RFESD: variants seen among roughly 807,000 people sequenced by gnomAD.
RFESD encodes Rieske domain-containing protein.
Under a neutral mutation model 24.4 loss-of-function variants are expected in RFESD, and 16 were observed. The observed-to-expected ratio is 0.66, with a 90% CI of 0.44 to 1.00. RFESD has a LOEUF of 1.00. RFESD is among the 50% of genes least tolerant of loss of function. The pLI is 0.00. For synonymous variants in RFESD, 59 were observed against 81.8 expected, an observed-to-expected ratio of 0.72 and a Z score of 1.50; for missense variants, 208 against 247.0, an observed-to-expected ratio of 0.84 and a Z score of 1.06.
Position 95,657,694 on chromosome 5 carries a change from GT to G in RFESD, c.*1388del, listed in dbSNP as rs1356853648. The G allele has an allele frequency of 7.9e-5, 12 of 152,242 alleles. No individual in the cohort carries two copies. The highest frequency in any genetic ancestry group is 2.6e-4 in the African/African-American group (11 of 41,534). The allele number at this position is 152,242 out of a possible 1,614,324, so 9.4% of individuals were successfully genotyped here. On this transcript the variant is annotated 3_prime_UTR_variant, in exon 6 of 6. Transcript: ENST00000380005. ...TTATTACACTTCCTTTTCTGTTGGA[GT>G]TTGGATAGCATGAGTAGCACTTGGT...
rs542765986 is a variant in RFESD at position 95,657,851 on chromosome 5, T to C, written c.*1542T>C. 2 of 152,318 alleles carry C rather than the reference T, an allele frequency of 1.3e-5. No individual in the cohort carries two copies. Among genetic ancestry groups the C allele is most frequent in the African/African-American group, 4.8e-5 (2 of 41,580 alleles). 9.4% of individuals were successfully genotyped at this position (152,318 alleles called of 1,614,324 possible). On this transcript the variant is annotated 3_prime_UTR_variant, in exon 6 of 6. Transcript: ENST00000380005. ...GTACATCCCAGTCTATTCTATCATGTGATAATCCTTCAATGCCCAGTCAGG... is the reference window on the plus strand; with the variant it reads ...GTACATCCCAGTCTATTCTATCATGCGATAATCCTTCAATGCCCAGTCAGG...
intron 1 of RFESD, among the ~76,000 whole-genome samples, chr5:95,650,185 T>G (rs556285580): frequency 1.7e-4 from 26 of 152,332 alleles, no homozygotes; most frequent in African/African-American, 6.0e-4. Context: ...TGTGAGATAA[T>G]TTTTAAAAAC....
chr5:95,647,952 C>G (rs1225099374), intron 1 of RFESD: 1 of 152,142 alleles, frequency 6.6e-6, no homozygotes, highest in African/African-American at 2.4e-5. Context: ...CTCTCTAAGG[C>G]ATTTCTCTTC....
Position 95,656,299 on chromosome 5 carries a change from G to A in RFESD, c.623G>A (p.Ser208Asn). The part of the protein sequence containing the change: ...YATGDFKVIK[S>N]SS ...ACTGGAGACTTCAAAGTAATTAAGA[G>A]TTCTTCCTGATAAAAAATATATAGA... Residue 208 changes from serine (S) to asparagine (N), a missense_variant, in exon 6 of 6, where the codon AGT (serine) becomes AAT (asparagine). Ser to Asn is a conservative substitution (Grantham distance 46). Transcript: ENST00000380005. The A allele has an allele frequency of 6.2e-7, 1 of 1,602,132 alleles. No individual in the cohort carries two copies. The highest frequency in any genetic ancestry group is 8.5e-7 in the Non-Finnish European group (1 of 1,173,976).
intron 2 of RFESD, 43 bp from the exon 3 acceptor site, chr5:95,653,074 G>T: frequency 6.5e-7 from 1 of 1,549,212 alleles, no homozygotes; most frequent in Non-Finnish European, 8.7e-7. Context: ...CATTCACCAA[G>T]ACTTTTCTTT....
At position 95,651,284 on chromosome 5, in the gene RFESD, T is replaced by C. The variant is rs571134352; in HGVS notation, c.-135-853T>C. On this transcript the variant is annotated intron_variant, in intron 1 of 5. Coordinates refer to ENST00000380005, the MANE Select transcript of RFESD (RefSeq NM_001131066.2). Reference sequence around the variant, plus strand: ...TGAAGAAGGTGTGGATGATGAAATATCTTCCTAAAGTTAGAATATTTATTT... The same window carrying C: ...TGAAGAAGGTGTGGATGATGAAATACCTTCCTAAAGTTAGAATATTTATTT... Among the ~76,000 whole-genome samples, 253 of 152,332 alleles carry C rather than the reference T, an allele frequency of 1.7e-3. 1 individual carries two copies. The highest frequency in any genetic ancestry group is 2.8e-3 in the Non-Finnish European group (188 of 68,016).
At chr5:95,654,445 A>G (rs1378846759) in intron 5 of RFESD, 78 bp downstream of exon 5, 2 of 932,148 alleles carry the variant, frequency 2.1e-6, no homozygotes, top group African/African-American at 1.7e-5. Context: ...GGTTTGAACT[A>G]TATTTTAATG....
chr5:95,655,773 A>T (rs143221702), intron 5 of RFESD, among the ~76,000 whole-genome samples: 106 of 152,326 alleles, frequency 7.0e-4, no homozygotes, highest in African/African-American at 2.5e-3. Context: ...ATTAACATCT[A>T]ATAGATAACA....
At position 95,654,185 on chromosome 5, in the gene RFESD, G is replaced by C. The variant is rs1339127873; in HGVS notation, c.283G>C (p.Val95Leu). The C allele has an allele frequency of 6.2e-7, 1 of 1,612,828 alleles. No homozygotes were observed. Among genetic ancestry groups the C allele is most frequent in the Non-Finnish European group, 8.5e-7 (1 of 1,179,580 alleles). The change falls in exon 4 of 6, where the codon GTC (valine) becomes CTC (leucine). Residue 95 changes from valine (V) to leucine (L), a missense_variant. Coordinates refer to ENST00000380005, the MANE Select transcript of RFESD (RefSeq NM_001131066.2). Reference protein sequence around the residue: ...MTAVVHDREVVIFYHKGEYHA... With the variant: ...MTAVVHDREVLIFYHKGEYHA... ...AGCTGTTGTCCATGATAGAGAAGTG[G>C]TCATTTTCTACCACAAGGGAGAATA...
intron 3 of RFESD, among the ~76,000 whole-genome samples, 165 bp downstream of exon 3, chr5:95,653,379 G>A (rs1423146083): frequency 6.6e-6 from 1 of 152,254 alleles, no homozygotes; most frequent in African/African-American, 2.4e-5. Context: ...GCTTTCAGCA[G>A]AAGGCTGAAA....
intron 2 of RFESD, chr5:95,652,562 T>A: frequency 2.2e-6 from 1 of 445,462 alleles, no homozygotes; most frequent in Non-Finnish European, 3.8e-6. Flanking sequence ...ACAGTTCACC[T>A]AGCTGCACAA....
chr5:95,656,082 C>T lies in RFESD; in HGVS notation c.406C>T (p.His136Tyr), dbSNP rs1316478102. 7 of 1,613,592 alleles carry T rather than the reference C, an allele frequency of 4.3e-6. No individual in the cohort carries two copies. The highest frequency in any genetic ancestry group is 1.7e-6 in the Non-Finnish European group (2 of 1,179,590). ...ACGACCGTGTATAGTTTGCCCCTGG[C>T]ATAAATACAAAATTACTTTGGCAAC... ...DGRPCIVCPWHKYKITLATGE... is the reference protein window; with the variant it reads ...DGRPCIVCPWYKYKITLATGE... The change falls in exon 6 of 6, where the codon CAT becomes TAT. Residue 136 changes from histidine to tyrosine, a missense_variant. Transcript: ENST00000380005.
rs1750389390 is a variant in RFESD, at chr5:95,652,336, G to GTA, written c.60+6_60+7insAT. 2.6e-6 allele frequency: 4 copies of GTA among 1,550,054 alleles called. No homozygotes were observed. Among genetic ancestry groups the GTA allele is most frequent in the Non-Finnish European group, 3.5e-6 (4 of 1,145,944 alleles). ...TTATCTACACTTCCTCTCCAAGTGA[G>GTA]TCCATAGAATTCTATGACCTGGAAA... On this transcript the variant is annotated splice_donor_region_variant and intron_variant, in intron 2 of 5. Coordinates refer to ENST00000380005, the MANE Select transcript of RFESD (RefSeq NM_001131066.2).
chr5:95,652,148 T>C lies in RFESD; in HGVS notation c.-124T>C. ...CTTTTTTTTTCCAGGTTACCACCTA[T>C]TTGCAATTCAAGGAGAATATAAGAC... is the stretch of plus-strand genomic sequence containing the variant. On this transcript the variant is annotated 5_prime_UTR_variant, in exon 2 of 6. Coordinates refer to ENST00000380005, the MANE Select transcript of RFESD (RefSeq NM_001131066.2). 7.9e-7 allele frequency: 1 copy of C among 1,260,342 alleles called. No individual in the cohort carries two copies. The highest frequency in any genetic ancestry group is 1.0e-6 in the Non-Finnish European group (1 of 956,642). The allele number at this position is 1,260,342 out of a possible 1,614,324, so 78.1% of individuals were successfully genotyped here.
chr5:95,657,545 A>T lies in RFESD; in HGVS notation c.*1236A>T, dbSNP rs1179117319. 2.0e-5 allele frequency: 3 copies of T among 152,080 alleles called. No individual in the cohort carries two copies. The highest frequency in any genetic ancestry group is 4.4e-5 in the Non-Finnish European group (3 of 67,996). The allele number at this position is 152,080 out of a possible 1,614,324, so 9.4% of individuals were successfully genotyped here. On this transcript the variant is annotated 3_prime_UTR_variant, in exon 6 of 6. Coordinates refer to ENST00000380005, the MANE Select transcript of RFESD (RefSeq NM_001131066.2). ...GTATTTTTAAAGGAATAGAATTAAG[A>T]ATCTAAATCTAATACTTAACATTCT...
chr5:95,654,977 A>G (rs1203218299), intron 5 of RFESD, among the ~76,000 whole-genome samples: 1 of 152,142 alleles, frequency 6.6e-6, no homozygotes, highest in African/African-American at 2.4e-5. Context: ...CTGAGGAGGA[A>G]CGGGGGAAGT....
At chr5:95,653,931 T>A (rs191206154) in intron 3 of RFESD, 130 bp from the exon 4 acceptor site, 7 of 633,550 alleles carry the variant, frequency 1.1e-5, no homozygotes, top group South Asian at 4.5e-5. Flanking sequence ...ATAAATGTTT[T>A]ATATAGCTAC....
At chr5:95,646,951 C>G (rs1388397287) in intron 1 of RFESD, 134 bp downstream of exon 1, 2 of 152,408 alleles carry the variant, frequency 1.3e-5, no homozygotes, top group Admixed American at 6.5e-5. Flanking sequence ...GGTTTTGGTT[C>G]AGCGTTAGTT....
At chr5:95,654,695 A>C (rs1750620743) in intron 5 of RFESD, among the ~76,000 whole-genome samples, 1 of 152,202 alleles carries the variant, frequency 6.6e-6, no homozygotes, top group Non-Finnish European at 1.5e-5. Context: ...CATGCTGTGG[A>C]ATAACTGTAC....
Sources: gnomAD v4.1 joint callset for allele counts (sites outside exome capture counted in the v4.1 genomes callset) on GRCh38, gnomAD v4.1.1 for gene constraint, MANE v1.5 for transcripts, NCBI Gene and HGNC (gene_info 2026-07-23, HGNC 2026-07-21) for gene names.